Variants in ZNF454 observed in about 807,000 individuals in gnomAD.
ZNF454 encodes zinc finger protein 454.
A neutral mutation model predicts 48.2 loss-of-function variants in ZNF454; 30 were observed. That is an observed-to-expected ratio of 0.62 (90% CI 0.47 to 0.84). The LOEUF (loss-of-function observed/expected upper bound fraction) is 0.84, where lower values mean the gene tolerates loss of function less well. Ranked by LOEUF, ZNF454 falls within the 40% of genes least tolerant of loss-of-function variation. The pLI is 0.00. For missense variants in ZNF454, 510 were observed against 623.1 expected (o/e 0.82, Z 1.93); for synonymous variants, 204 against 211.4 (o/e 0.97, Z 0.30).
rs149524556 is a variant in ZNF454, at chr5:178,953,156, C to T, written c.250+6170C>T. 9.2e-5 allele frequency among the ~76,000 whole-genome samples: 14 copies of T among 152,090 alleles called. No individual in the cohort carries two copies. In the East Asian group the frequency reaches 2.5e-3, roughly 27 times the overall value. On this transcript the variant is annotated intron_variant, in intron 4 of 4. Coordinates refer to ENST00000519564, the MANE Select transcript of ZNF454 (RefSeq NM_001178089.3). The stretch of plus-strand genomic sequence containing the variant: ...GTTTTAGACATGTATTGAATTCTTT[C>T]TATACGAAGTGAGGCTTAAACTCAG...
At chr5:178,985,388 C>G in the ZNF454 span, 1 of 376,652 alleles carries the variant, frequency 2.7e-6, no homozygotes, top group Admixed American at 3.8e-5. Context: ...GGGAGGGGCT[C>G]CATTTCCTGT....
In ZNF454 at chr5:178,946,853, C is replaced by T. The variant is rs772323339; in HGVS notation, c.161-44C>T. ...TGTCTTTGCAGTGATTTTTATCTCT[C>T]GTATAAACAGATGTGGTTCATTTTT... On this transcript the variant is annotated intron_variant, in intron 3 of 4. Transcript: ENST00000519564. The surrounding 1 kb of genome is among the most constrained non-coding windows in gnomAD (Gnocchi z 4.5). 6 of 1,541,450 alleles carry T rather than the reference C, an allele frequency of 3.9e-6. No individual in the cohort carries two copies. The African/African-American group carries it at 5.5e-5, about 14-fold the overall frequency.
chr5:178,979,834 AG>A, the ZNF454 span: 1 of 154,122 alleles, frequency 6.5e-6, no homozygotes, highest in East Asian at 1.9e-4. Context: ...CACTGATCTC[AG>A]AGTTCATACA....
intron 4 of ZNF454, among the ~76,000 whole-genome samples, chr5:178,957,427 G>T (rs7732288): frequency 0.7 from 105,196 of 151,350 alleles, 36,604 homozygotes; most frequent in African/African-American, 0.74. Context: ...TATTTTTTTT[G>T]GGGACGAAGT....
the ZNF454 span, chr5:178,988,874 A>T: frequency 7.0e-7 from 1 of 1,419,290 alleles, no homozygotes; most frequent in Non-Finnish European, 9.9e-7. This position sits in a 1 kb window ranked among gnomAD's most constrained non-coding sequence, Gnocchi z 6.0. Flanking sequence ...CCCAGGCCTC[A>T]CAGCAAAATC....
chr5:178,968,212 T>C (rs1760195217), downstream of ZNF454, among the ~76,000 whole-genome samples: 1 of 151,896 alleles, frequency 6.6e-6, no homozygotes, highest in African/African-American at 2.4e-5. Context: ...AGCTGGAATA[T>C]ATCATGCAGT....
chr5:178,943,869 C>CA (rs1039861013), intron 2 of ZNF454, among the ~76,000 whole-genome samples: 15 of 151,568 alleles, frequency 9.9e-5, no homozygotes, highest in African/African-American at 3.2e-4. Flanking sequence ...ACTAAAATTA[C>CA]AAAAAAAATT....
chr5:178,956,519 G>A (rs201711816), intron 4 of ZNF454, among the ~76,000 whole-genome samples: 6,779 of 111,602 alleles, frequency 0.061, no homozygotes, highest in African/African-American at 0.062. Flanking sequence ...CTCCTGAAAA[G>A]AAAAAAAAAA....
chr5:178,957,790 G>A (rs1388021158), intron 4 of ZNF454, among the ~76,000 whole-genome samples: 2 of 152,096 alleles, frequency 1.3e-5, no homozygotes, highest in African/African-American at 4.8e-5. Context: ...TACTGAACTG[G>A]ATTAATTCAC....
At chr5:178,952,092 C>T (rs1443422544) in intron 4 of ZNF454, among the ~76,000 whole-genome samples, 3 of 147,486 alleles carry the variant, frequency 2.0e-5, no homozygotes, top group Non-Finnish European at 4.4e-5. Context: ...GGCGGGAGTG[C>T]TGTGGCGCGA....
At chr5:178,981,417 GTT>G in the ZNF454 span, 1 of 544,692 alleles carries the variant, frequency 1.8e-6, no homozygotes, top group Non-Finnish European at 3.3e-6. This position sits in a 1 kb window ranked among gnomAD's most constrained non-coding sequence, Gnocchi z 5.1. Context: ...CTCGGTGGCT[GTT>G]TCCCACCATG....
the ZNF454 span, chr5:178,983,182 G>A: frequency 1.2e-6 from 2 of 1,613,280 alleles, no homozygotes; most frequent in African/African-American, 1.3e-5. Flanking sequence ...ATCACGCTGT[G>A]TGGGGGCCGG....
Position 178,965,437 on chromosome 5 carries a change from C to T in ZNF454, c.1033C>T (p.Gln345Ter). Residue 345 changes from glutamine to a stop codon, truncating the protein, a stop_gained, in exon 5 of 5, where the codon CAG (glutamine) becomes TAG (stop). Coordinates refer to ENST00000519564, the MANE Select transcript of ZNF454 (RefSeq NM_001178089.3). LOFTEE classifies it high-confidence loss of function. This position sits in a 1 kb window ranked among gnomAD's most constrained non-coding sequence, Gnocchi z 5.2. The part of the protein sequence containing the change: ...KAFNQSTSFL[Q>*]HQRIHTGEKP... ...CTTTAATCAGAGTACAAGTTTCCTTCAGCATCAGAGAATTCACACTGGAGA... is the reference window on the plus strand; with the variant it reads ...CTTTAATCAGAGTACAAGTTTCCTTTAGCATCAGAGAATTCACACTGGAGA... The T allele has an allele frequency of 5.0e-6, 8 of 1,614,106 alleles. No homozygotes were observed. Among genetic ancestry groups the T allele is most frequent in the Non-Finnish European group, 6.8e-6 (8 of 1,180,000 alleles).
the ZNF454 span, among the ~76,000 whole-genome samples, chr5:178,977,076 A>T: frequency 3.3e-5 from 5 of 152,224 alleles, no homozygotes; most frequent in African/African-American, 1.2e-4. Context: ...GGGACACAGC[A>T]CCACGGTGCC....
the ZNF454 span, among the ~76,000 whole-genome samples, chr5:178,984,180 A>G: frequency 0.029 from 4,202 of 145,578 alleles, 85 homozygotes; most frequent in South Asian, 0.076. Context: ...CTCCAGGTGG[A>G]AAAAAAAAAA....
At chr5:178,952,181 G>A (rs942493740) in intron 4 of ZNF454, among the ~76,000 whole-genome samples, 2 of 151,954 alleles carry the variant, frequency 1.3e-5, no homozygotes, top group Non-Finnish European at 2.9e-5. Flanking sequence ...GGGACTACAG[G>A]CGCCCGCCAC....
the ZNF454 span, chr5:178,981,213 A>G: frequency 1.0e-5 from 2 of 192,014 alleles, no homozygotes; most frequent in Non-Finnish European, 2.2e-5. This position sits in a 1 kb window ranked among gnomAD's most constrained non-coding sequence, Gnocchi z 5.1. Flanking sequence ...TTGCTGAGAC[A>G]GCTCCTCCTC....
chr5:178,954,445 T>C (rs979084518), intron 4 of ZNF454, among the ~76,000 whole-genome samples: 1 of 152,186 alleles, frequency 6.6e-6, no homozygotes, highest in Non-Finnish European at 1.5e-5. Context: ...TCTAATTTTC[T>C]TATTATCAAA....
the ZNF454 span, chr5:178,982,720 G>A: frequency 3.4e-5 from 19 of 554,666 alleles, no homozygotes; most frequent in Non-Finnish European, 5.4e-5. Context: ...AAAGAAGAGT[G>A]GAAGTTAAGA....
Sources: allele counts gnomAD v4.1 joint callset (sites outside exome capture counted in the v4.1 genomes callset), GRCh38; gene constraint gnomAD v4.1.1; non-coding constraint Gnocchi (gnomAD v3.1); transcripts MANE v1.5; gene names NCBI Gene and HGNC (gene_info 2026-07-23, HGNC 2026-07-21).